ELMO1: variants seen among roughly 807,000 people sequenced by gnomAD.
The protein encoded by ELMO1 is engulfment and cell motility protein 1.
ELMO1 carries 26 observed loss-of-function variants against 98.9 expected under a neutral mutation model. That is an observed-to-expected ratio of 0.26 (90% confidence interval 0.19 to 0.36). The LOEUF is 0.36. ELMO1 is among the 10% of genes least tolerant of loss of function. ELMO1 has a pLI of 1.00. For missense variants in ELMO1, 627 were observed against 935.2 expected, an observed-to-expected ratio of 0.67 and a Z score of 4.30; for synonymous variants, 346 against 346.0, an observed-to-expected ratio of 1.00 and a Z score of 0.00.
chr7:36,885,304 G>T (rs1804859950), intron 18 of ELMO1, among the ~76,000 whole-genome samples: 1 of 141,466 alleles, frequency 7.1e-6, no homozygotes, highest in Admixed American at 7.6e-5. Context: ...TATAGATACG[G>T]GACTAACATT....
intron 1 of ELMO1, among the ~76,000 whole-genome samples, chr7:37,422,094 T>C (rs1276639935): frequency 6.6e-6 from 1 of 152,370 alleles, no homozygotes; most frequent in South Asian, 2.1e-4. Context: ...CTCTCATGTT[T>C]AGAACATCTG....
intron 11 of ELMO1, among the ~76,000 whole-genome samples, chr7:37,214,745 C>T (rs900242425): frequency 4.8e-4 from 73 of 152,326 alleles, no homozygotes; most frequent in African/African-American, 1.7e-3. Context: ...ATGGCACACA[C>T]TTAGTATCCA....
chr7:37,298,056 T>C (rs1205610374), intron 4 of ELMO1, among the ~76,000 whole-genome samples: 8 of 152,192 alleles, frequency 5.3e-5, no homozygotes, highest in African/African-American at 1.4e-4. Context: ...GTGTAAATGT[T>C]TTTTGAAGAT....
At chr7:36,950,622 A>G (rs1433131851) in intron 16 of ELMO1, among the ~76,000 whole-genome samples, 2 of 152,236 alleles carry the variant, frequency 1.3e-5, no homozygotes, top group African/African-American at 4.8e-5. Flanking sequence ...GACTGACTCA[A>G]TATTTTTCTG....
intron 15 of ELMO1, among the ~76,000 whole-genome samples, chr7:37,080,042 C>T (rs1319665405): frequency 6.6e-6 from 1 of 152,156 alleles, no homozygotes; most frequent in East Asian, 1.9e-4. Flanking sequence ...ATCTTCTATG[C>T]CCCTCCATCA....
Position 37,149,707 on chromosome 7 carries a change from T to C in ELMO1, c.1087-16473A>G, listed in dbSNP as rs1172301667. On this transcript the variant is annotated intron_variant, in intron 13 of 21. Coordinates refer to ENST00000310758, the MANE Select transcript of ELMO1 (RefSeq NM_014800.11). ...CTACCTGGCCCTTTATGGGAAACAT[T>C]TGCAGACTCTTGTTCTAAGTGTTTG... Among the ~76,000 whole-genome samples, 3 of 152,278 alleles carry C rather than the reference T, an allele frequency of 2.0e-5. No individual in the cohort carries two copies. The East Asian group carries it at 5.8e-4, about 29-fold the overall frequency.
At chr7:37,013,205 T>C in intron 16 of ELMO1, 94 bp downstream of exon 16, 1 of 1,476,384 alleles carries the variant, frequency 6.8e-7, no homozygotes. Flanking sequence ...TTTCCCCACC[T>C]TGCCAATTGC....
rs1215515412 is a variant in ELMO1 at position 37,134,200 on chromosome 7, C to G, written c.1087-966G>C. On this transcript the variant is annotated intron_variant, in intron 13 of 21. Coordinates refer to ENST00000310758, the MANE Select transcript of ELMO1 (RefSeq NM_014800.11). ...ATTAGTACAACCTCTATGGAAAACA[C>G]TATGGAGATTTCTCAAGAACTAAAA... 2.6e-5 allele frequency among the ~76,000 whole-genome samples: 4 copies of G among 152,250 alleles called. No homozygotes were observed. The East Asian group carries it at 7.7e-4, about 29-fold the overall frequency.
intron 13 of ELMO1, among the ~76,000 whole-genome samples, chr7:37,208,315 G>A (rs151232514): frequency 2.9e-4 from 44 of 152,266 alleles, no homozygotes; most frequent in African/African-American, 8.4e-4. Flanking sequence ...CTGAACCACT[G>A]GCCCATGGCT....
At chr7:37,390,722 C>T (rs999975055) in intron 1 of ELMO1, among the ~76,000 whole-genome samples, 3 of 152,162 alleles carry the variant, frequency 2.0e-5, no homozygotes, top group African/African-American at 4.8e-5. Context: ...ACCAAGGCTC[C>T]GCTCTTTGAG....
At chr7:37,165,872 C>T (rs530482309) in intron 13 of ELMO1, among the ~76,000 whole-genome samples, 99 of 152,154 alleles carry the variant, frequency 6.5e-4, no homozygotes, top group Non-Finnish European at 1.2e-3. Context: ...AGGGAGGATT[C>T]CCTCTTTTTA....
intron 15 of ELMO1, among the ~76,000 whole-genome samples, chr7:37,051,011 G>C (rs1796083016): frequency 6.6e-6 from 1 of 152,058 alleles, no homozygotes; most frequent in Non-Finnish European, 1.5e-5. Context: ...CATAAACTAT[G>C]GTATTTCCCA....
At chr7:36,893,901 C>G (rs1393664498) in intron 17 of ELMO1, among the ~76,000 whole-genome samples, 1 of 152,014 alleles carries the variant, frequency 6.6e-6, no homozygotes, top group Admixed American at 6.5e-5. Context: ...TACTGGAGAG[C>G]AACAAACAAA....
chr7:37,442,567 A>G (rs548735696), intron 1 of ELMO1, among the ~76,000 whole-genome samples: 26 of 152,316 alleles, frequency 1.7e-4, no homozygotes, highest in African/African-American at 5.8e-4. Context: ...TTATTAATAA[A>G]TTGCATTCTA....
rs531496479 is a variant in ELMO1 at position 37,342,884 on chromosome 7, C to G, written c.-73-121G>C. The G allele has an allele frequency of 1.8e-6, 1 of 548,556 alleles. No homozygotes were observed. The highest frequency in any genetic ancestry group is 2.0e-5 in the African/African-American group (1 of 51,036). 34.0% of individuals were successfully genotyped at this position (548,556 alleles called of 1,614,324 possible). ...TATGAAAAACGGCTCCCCTTGGTGC[C>G]TGGGTGCTGAAGGTGCAGGGGCACA... On this transcript the variant is annotated intron_variant, in intron 1 of 21. Transcript: ENST00000310758. This position sits in a 1 kb window ranked among gnomAD's most constrained non-coding sequence, Gnocchi z 4.3.
At chr7:37,447,451 C>T (rs559241724) in intron 1 of ELMO1, among the ~76,000 whole-genome samples, 2 of 152,118 alleles carry the variant, frequency 1.3e-5, no homozygotes, top group Admixed American at 1.3e-4. Flanking sequence ...TCTCGGGAGC[C>T]GTCCAGGGAC....
Position 37,164,607 on chromosome 7 carries a change from TTTC to T in ELMO1, c.1087-31376_1087-31374del, listed in dbSNP as rs1789503817. On this transcript the variant is annotated intron_variant, in intron 13 of 21. Transcript: ENST00000310758. ...TGTTAAATAGGGAATCCTTTCCCTA[TTTC>T]TTGTTTTTCTCAGGTTTGTCAAAGA... Among the ~76,000 whole-genome samples the T allele has an allele frequency of 1.3e-5, 2 of 152,186 alleles. 1 individual carries two copies. The highest frequency in any genetic ancestry group is 1.3e-4 in the Admixed American group (2 of 15,268).
intron 13 of ELMO1, among the ~76,000 whole-genome samples, chr7:37,181,475 G>A (rs913970324): frequency 5.9e-5 from 9 of 152,132 alleles, no homozygotes; most frequent in African/African-American, 1.4e-4. Flanking sequence ...GCCTTTGAGC[G>A]TCCTTGTATA....
chr7:37,063,985 T>C (rs867055974), intron 15 of ELMO1, among the ~76,000 whole-genome samples: 1 of 152,118 alleles, frequency 6.6e-6, no homozygotes, highest in South Asian at 2.1e-4. Context: ...AATTCCTAAA[T>C]TTTTTCATCC....
Sources: gnomAD v4.1 joint callset for allele counts (sites outside exome capture counted in the v4.1 genomes callset) on GRCh38, gnomAD v4.1.1 for gene constraint, Gnocchi (gnomAD v3.1) non-coding constraint, MANE v1.5 for transcripts, NCBI Gene and HGNC (gene_info 2026-07-23, HGNC 2026-07-21) for gene names.